The following VRK2 variants were observed in gnomAD, a reference collection of about 807,000 sequenced individuals.
VRK2 encodes serine/threonine-protein kinase VRK2.
In VRK2, 60 loss-of-function variants were observed where a neutral mutation model predicts 57.6. That is an observed-to-expected ratio of 1.04 (90% CI 0.85 to 1.29). VRK2 has a LOEUF of 1.29. VRK2 is among the 50% of genes most tolerant of loss of function. The pLI is 0.00. For synonymous variants in VRK2, 231 were observed against 199.2 expected (o/e 1.16, Z -1.35); for missense variants, 705 against 588.1 (o/e 1.20, Z -2.06).
chr2:57,932,572 T>C (rs1389272403), intron 1 of VRK2, among the ~76,000 whole-genome samples: 1 of 152,156 alleles, frequency 6.6e-6, no homozygotes, highest in Non-Finnish European at 1.5e-5. Context: ...TTATATTTTA[T>C]TAACCTTCTC....
intron 1 of VRK2, among the ~76,000 whole-genome samples, chr2:58,006,754 G>A (rs1392167554): frequency 6.6e-6 from 1 of 152,096 alleles, no homozygotes; most frequent in Admixed American, 6.6e-5. Context: ...CTGACCTATG[G>A]CATTGGCTAT....
chr2:58,052,149 G>A (rs947687577), intron 2 of VRK2, among the ~76,000 whole-genome samples: 1 of 152,140 alleles, frequency 6.6e-6, no homozygotes. Flanking sequence ...ACCTGATGAA[G>A]CCACTTATTC....
intron 11 of VRK2, among the ~76,000 whole-genome samples, chr2:58,141,371 A>G (rs1681303867): frequency 6.6e-6 from 1 of 152,006 alleles, no homozygotes; most frequent in Non-Finnish European, 1.5e-5. Flanking sequence ...TTTCAGTTTC[A>G]TCAAATTAAA....
chr2:58,029,114 C>A (rs559845938), intron 2 of VRK2, among the ~76,000 whole-genome samples: 9 of 151,276 alleles, frequency 5.9e-5, no homozygotes, highest in South Asian at 2.1e-4. Flanking sequence ...TTCAATAATT[C>A]CTAAAAAGCC....
intron 1 of VRK2, among the ~76,000 whole-genome samples, chr2:57,933,396 T>A (rs1165854150): frequency 7.9e-6 from 1 of 126,662 alleles, no homozygotes; most frequent in Non-Finnish European, 1.6e-5. Flanking sequence ...CACCACAACC[T>A]CTGCCTCCCA....
At chr2:58,014,567 A>G (rs553005341) in intron 1 of VRK2, among the ~76,000 whole-genome samples, 3 of 152,312 alleles carry the variant, frequency 2.0e-5, no homozygotes, top group South Asian at 2.1e-4. Context: ...GAATAATCCA[A>G]AAGACCCATT....
At chr2:58,118,679 TC>T (rs199650330) in intron 7 of VRK2, among the ~76,000 whole-genome samples, 3,818 of 152,304 alleles carry the variant, frequency 0.025, 155 homozygotes, top group African/African-American at 0.088. Context: ...GGTCCCCCGA[TC>T]CGAGTCATGG....
At chr2:57,956,991 T>C (rs1262134581) in intron 1 of VRK2, among the ~76,000 whole-genome samples, 1 of 152,182 alleles carries the variant, frequency 6.6e-6, no homozygotes, top group Admixed American at 6.5e-5. Context: ...ATATACTTTA[T>C]ACTGTTAAAT....
At chr2:57,926,732 A>G (rs1288593356) in intron 1 of VRK2, among the ~76,000 whole-genome samples, 2 of 142,798 alleles carry the variant, frequency 1.4e-5, no homozygotes, top group East Asian at 2.0e-4. Context: ...TCTTTTTTTC[A>G]TCTTTTTTTT....
intron 3 of VRK2, chr2:58,041,131 G>A (rs1518403): frequency 0.076 from 71,052 of 933,908 alleles, 2,810 homozygotes; most frequent in East Asian, 0.1. Flanking sequence ...TATGGTGCTC[G>A]TATTTGGGGA....
At chr2:58,084,228 T>G (rs1338989814) in intron 3 of VRK2, 90 bp downstream of exon 3, 1 of 1,329,894 alleles carries the variant, frequency 7.5e-7, no homozygotes, top group East Asian at 2.5e-5. Flanking sequence ...TTTTTGTAAC[T>G]ATTGCCTTAT....
rs141235781 is a variant in VRK2 at position 58,132,059 on chromosome 2, AAT to A, written c.797+134_797+135del. The A allele has an allele frequency of 4.0e-4, 469 of 1,176,782 alleles. 1 individual carries two copies. The African/African-American group carries it at 6.6e-3, about 17-fold the overall frequency. The allele number at this position is 1,176,782 out of a possible 1,614,324, so 72.9% of individuals were successfully genotyped here. A position where few individuals can be genotyped will look rare whatever the true frequency, so the allele number is the denominator to read the frequency against. The stretch of plus-strand genomic sequence containing the variant: ...CAAAGCAAATTTCTTTAGTTTGAAA[AAT>A]ATGTTTTAAAAAAACCAAACAACTA... On this transcript the variant is annotated intron_variant, in intron 9 of 12. Transcript: ENST00000340157.
At chr2:58,158,291 T>C (rs1684309507) in intron 12 of VRK2, among the ~76,000 whole-genome samples, 1 of 152,236 alleles carries the variant, frequency 6.6e-6, no homozygotes, top group Admixed American at 6.5e-5. Flanking sequence ...TGCATTAATG[T>C]GACTTCGTTA....
At chr2:58,046,733 G>A (rs188811481), upstream of VRK2, 4,915 of 985,564 alleles carry the variant, frequency 5.0e-3, 21 homozygotes, top group Admixed American at 5.6e-3. Context: ...AGAGAAGTTA[G>A]GCAGGTCCTA....
intron 1 of VRK2, among the ~76,000 whole-genome samples, chr2:57,962,170 A>G (rs1558514578): frequency 6.6e-6 from 1 of 152,318 alleles, no homozygotes; most frequent in East Asian, 1.9e-4. Context: ...TTGATTAGTG[A>G]GACTAGAAAG....
rs1287338235 is a variant in VRK2 at position 58,048,974 on chromosome 2, TA to T, written c.136+11del. 1 of 1,608,658 alleles carries T rather than the reference TA, an allele frequency of 6.2e-7. No homozygotes were observed. The highest frequency in any genetic ancestry group is 1.1e-5 in the South Asian group (1 of 90,064). On this transcript the variant is annotated splice_region_variant and intron_variant, in intron 2 of 12. Transcript: ENST00000340157. ...TTTGGATTGATATATTTAGGTAAAGTAAAACCTTAAATTAACAATTATTCTT... is the reference window on the plus strand; with the variant it reads ...TTTGGATTGATATATTTAGGTAAAGTAAACCTTAAATTAACAATTATTCTT...
intron 1 of VRK2, among the ~76,000 whole-genome samples, chr2:57,943,592 C>T (rs1671165411): frequency 1.3e-5 from 2 of 152,178 alleles, no homozygotes; most frequent in African/African-American, 2.4e-5. Flanking sequence ...GGACATAAGA[C>T]TGGACTTAAA....
intron 10 of VRK2, among the ~76,000 whole-genome samples, chr2:58,137,302 A>G (rs571134800): frequency 7.3e-6 from 1 of 136,122 alleles, no homozygotes; most frequent in South Asian, 2.4e-4. Context: ...CTTTCTTGTC[A>G]ATCCTGCAGA....
At chr2:57,976,551 A>C (rs1672257427) in intron 1 of VRK2, among the ~76,000 whole-genome samples, 1 of 151,948 alleles carries the variant, frequency 6.6e-6, no homozygotes, top group African/African-American at 2.4e-5. Context: ...TCACTTTTTA[A>C]TAGGGTTGTT....
Sources: gnomAD v4.1 joint callset for allele counts (sites outside exome capture counted in the v4.1 genomes callset) on GRCh38, gnomAD v4.1.1 for gene constraint, MANE v1.5 for transcripts, NCBI Gene and HGNC (gene_info 2026-07-23, HGNC 2026-07-21) for gene names.